MDN1: variants seen among roughly 807,000 people sequenced by gnomAD.
MDN1 encodes the protein midasin AAA ATPase 1.
Under a neutral mutation model 669.2 loss-of-function variants are expected in MDN1, and 266 were observed. The observed-to-expected ratio is 0.40, with a 90% confidence interval of 0.36 to 0.44. The LOEUF is 0.44. Ranked by LOEUF, MDN1 falls within the 20% of genes least tolerant of loss-of-function variation. The pLI is 1.00. For synonymous variants in MDN1, 2,385 were observed against 2,457.1 expected, an observed-to-expected ratio of 0.97 and a Z score of 0.87; for missense variants, 5,940 against 6,754.0, an observed-to-expected ratio of 0.88 and a Z score of 4.22.
Position 89,794,647 on chromosome 6 carries a change from C to A in MDN1, c.484G>T (p.Val162Leu). 1 of 1,614,096 alleles carries A rather than the reference C, an allele frequency of 6.2e-7. No homozygotes were observed. The highest frequency in any genetic ancestry group is 2.2e-5 in the East Asian group (1 of 44,884). ...CTCCAGTCCCAGAGCTCCCGGAACA[C>A]AGACTGCTCCTGCTGCAGAAACTTG... ...AFKFLQQEQS[V>L]FRELWDWSVC... Residue 162 changes from valine to leucine, a missense_variant, in exon 3 of 102, where the codon GTG becomes TTG. By Grantham distance (32) the Val-to-Leu change is conservative. Coordinates refer to ENST00000369393, the MANE Select transcript of MDN1 (RefSeq NM_014611.3).
At position 89,776,606 on chromosome 6, in the gene MDN1, T is replaced by C. The variant is rs41402447; in HGVS notation, c.1815A>G (p.Arg605=). The C allele has an allele frequency of 0.17, 278,231 of 1,604,276 alleles. 26,014 individuals carry two copies. The highest frequency in any genetic ancestry group is 0.19 in the Non-Finnish European group (222,706 of 1,173,034). The change falls in exon 12 of 102, where the codon AGA becomes AGG. Residue 605 remains arginine (R), a synonymous_variant. Transcript: ENST00000369393. ...AAAAAAACAGCACACATACCTTTTT[T>C]CTAGAAATGTTCAATTTGCTTCCAA... is the stretch of plus-strand genomic sequence containing the variant. ...EVIGSKLNIS[R]KKAEFFCQLY... is the part of the protein sequence containing the mutation.
intron 15 of MDN1, among the ~76,000 whole-genome samples, chr6:89,765,294 G>A (rs1465954): frequency 0.85 from 129,796 of 151,900 alleles, 55,632 homozygotes; most frequent in African/African-American, 0.91. Flanking sequence ...TTATCTGATT[G>A]TACTTTAAAG....
At chr6:89,690,962 C>A in intron 63 of MDN1, 128 bp from the exon 64 acceptor site, 2 of 1,124,414 alleles carry the variant, frequency 1.8e-6, no homozygotes, top group Non-Finnish European at 2.5e-6. Context: ...AGCCAACATC[C>A]AAGAAACTAA....
intron 49 of MDN1, 53 bp from the exon 50 acceptor site, chr6:89,710,847 G>T: frequency 2.8e-6 from 3 of 1,082,558 alleles, no homozygotes; most frequent in South Asian, 1.5e-5. Flanking sequence ...CTATCCAATT[G>T]AACGTTCTGC....
intron 82 of MDN1, among the ~76,000 whole-genome samples, chr6:89,671,968 T>C (rs1350407669): frequency 1.3e-5 from 2 of 152,244 alleles, no homozygotes; most frequent in East Asian, 3.9e-4. Context: ...ATAATGGATA[T>C]TCTGAATGGT....
intron 15 of MDN1, among the ~76,000 whole-genome samples, chr6:89,763,332 CAAAAAAAAAA>C (rs35383804): frequency 1.0e-5 from 1 of 97,100 alleles, no homozygotes; most frequent in Non-Finnish European, 2.2e-5. Flanking sequence ...GTAGGGCACG[CAAAAAAAAAA>C]AAAAAAAAAA....
rs572603843 is a variant in MDN1, at chr6:89,767,809, G to A, written c.2144+3752C>T. Reference sequence around the variant, plus strand: ...ACCTGTAATCCCAGCCCTTTGGGAGGTCAAGGTGGGAGGATCATTTTAGCT... The same window carrying A: ...ACCTGTAATCCCAGCCCTTTGGGAGATCAAGGTGGGAGGATCATTTTAGCT... On this transcript the variant is annotated intron_variant, in intron 15 of 101. Transcript: ENST00000369393. Among the ~76,000 whole-genome samples, 5 of 152,148 alleles carry A rather than the reference G, an allele frequency of 3.3e-5. 1 individual carries two copies. The highest frequency in any genetic ancestry group is 3.3e-4 in the Admixed American group (5 of 15,274).
At chr6:89,752,707 T>C (rs1444355018) in intron 22 of MDN1, among the ~76,000 whole-genome samples, 2 of 152,156 alleles carry the variant, frequency 1.3e-5, no homozygotes, top group African/African-American at 2.4e-5. Flanking sequence ...ATGCAAATAG[T>C]GAAACTATGG....
Position 89,714,711 on chromosome 6 carries a change from G to C in MDN1, c.6901C>G (p.Arg2301Gly), listed in dbSNP as rs756854232. Residue 2301 changes from arginine (R) to glycine (G), a missense_variant, in exon 46 of 102, where the codon CGA (arginine) becomes GGA (glycine). Arg to Gly is a moderately radical substitution (Grantham distance 125). Transcript: ENST00000369393. Reference sequence around the variant, plus strand: ...TCAAGTCCACGATTCCTCATAGCTCGGGATATATCTCCATGAACAGGATCC... The same window carrying C: ...TCAAGTCCACGATTCCTCATAGCTCCGGATATATCTCCATGAACAGGATCC... The part of the protein sequence containing the change: ...SMDPVHGDIS[R>G]AMRNRGLEIY... 5.0e-6 allele frequency: 8 copies of C among 1,613,846 alleles called. No individual in the cohort carries two copies. The highest frequency in any genetic ancestry group is 6.8e-6 in the Non-Finnish European group (8 of 1,179,968).
Position 89,745,337 on chromosome 6 carries a change from G to A in MDN1, c.4114C>T (p.Leu1372Phe). The A allele has an allele frequency of 6.2e-7, 1 of 1,613,972 alleles. No homozygotes were observed. The highest frequency in any genetic ancestry group is 8.5e-7 in the Non-Finnish European group (1 of 1,179,968). The change falls in exon 29 of 102, where the codon CTC becomes TTC. Residue 1372 changes from leucine to phenylalanine, a missense_variant. This residue lies in a region of MDN1 where 2,292 missense variants were observed against 2,638.3 expected (regional missense o/e 0.87). Coordinates refer to ENST00000369393, the MANE Select transcript of MDN1 (RefSeq NM_014611.3). ...HIVWTEGMRR[L>F]AMLVGRALEF... ...AATGCCCTTCCCACTAGCATCGCGA[G>A]TCTCCGCATGCCCTCAGTCCACACG...
chr6:89,719,466 G>A (rs996731138), intron 40 of MDN1, among the ~76,000 whole-genome samples: 3 of 152,158 alleles, frequency 2.0e-5, no homozygotes, highest in African/African-American at 4.8e-5. Flanking sequence ...TGAGATTCCA[G>A]TAACAATGCA....
Position 89,747,423 on chromosome 6 carries a change from G to T in MDN1, c.3810C>A (p.Ile1270=). Residue 1270 remains isoleucine, a synonymous_variant, in exon 27 of 102, where the codon ATC becomes ATA. Coordinates refer to ENST00000369393, the MANE Select transcript of MDN1 (RefSeq NM_014611.3). The part of the protein sequence containing the change: ...SSVFAGKQGF[I]TLRDLFRWAE... Reference sequence around the variant, plus strand: ...CCCATCGGAACAGATCACGAAGGGTGATGAAGCCCTGCTTTCCAGCAAACA... The same window carrying T: ...CCCATCGGAACAGATCACGAAGGGTTATGAAGCCCTGCTTTCCAGCAAACA... The T allele has an allele frequency of 6.2e-7, 1 of 1,614,064 alleles. No homozygotes were observed. The highest frequency in any genetic ancestry group is 8.5e-7 in the Non-Finnish European group (1 of 1,179,964).
intron 86 of MDN1, 150 bp downstream of exon 86, chr6:89,662,642 A>G (rs1809881100): frequency 1.1e-6 from 1 of 942,810 alleles, no homozygotes; most frequent in South Asian, 1.8e-5. Context: ...TGTAATCAAT[A>G]AGATAGGATA....
chr6:89,752,814 A>C (rs1817022617), intron 22 of MDN1, among the ~76,000 whole-genome samples: 1 of 152,210 alleles, frequency 6.6e-6, no homozygotes, highest in South Asian at 2.1e-4. Context: ...CAGATAGGTT[A>C]AAAAGGAAAG....
At chr6:89,746,609 AAAAAAGAAAGAAAG>A (rs1181150643) in intron 27 of MDN1, among the ~76,000 whole-genome samples, 396 of 14,754 alleles carry the variant, frequency 0.027, 21 homozygotes, top group South Asian at 0.11. Context: ...AAAAAAAAAA[AAAAAAGAAAGAAAG>A]AAAGAAAGAA....
In MDN1 at chr6:89,761,697, G is replaced by A; in HGVS notation, c.2408C>T (p.Ala803Val). Reference sequence around the variant, plus strand: ...TTCAGTCATTTTCATCTGTTGTTGGGCATGGTTGAGTCTAAGACCAAATGC... The same window carrying A: ...TTCAGTCATTTTCATCTGTTGTTGGACATGGTTGAGTCTAAGACCAAATGC... Reference protein sequence around the residue: ...WEAFGLRLNHAQQQMKMTENT... With the variant: ...WEAFGLRLNHVQQQMKMTENT... The change falls in exon 17 of 102, where the codon GCC becomes GTC. Residue 803 changes from alanine (A) to valine (V), a missense_variant. This residue lies in a region of MDN1 where 1,203 missense variants were observed against 1,268.9 expected (regional missense o/e 0.95). Transcript: ENST00000369393. 1.2e-6 allele frequency: 2 copies of A among 1,612,490 alleles called. No homozygotes were observed. Among genetic ancestry groups the A allele is most frequent in the Non-Finnish European group, 1.7e-6 (2 of 1,179,212 alleles).
At chr6:89,787,254 G>A (rs1368078151) in intron 8 of MDN1, among the ~76,000 whole-genome samples, 3 of 152,178 alleles carry the variant, frequency 2.0e-5, no homozygotes, top group African/African-American at 7.2e-5. Context: ...AGCTGTGCAG[G>A]TATAGACTAG....
chr6:89,672,660 T>C lies in MDN1; in HGVS notation c.13517A>G (p.Glu4506Gly), dbSNP rs757914536. 1.4e-5 allele frequency: 22 copies of C among 1,614,132 alleles called. No individual in the cohort carries two copies. The South Asian group carries it at 2.1e-4, about 15-fold the overall frequency. The change falls in exon 81 of 102, where the codon GAG becomes GGG. Residue 4506 changes from glutamate to glycine, a missense_variant. By Grantham distance (98) the Glu-to-Gly change is moderately conservative. Transcript: ENST00000369393. ...LDEGFVEDFS[E>G]QMEIAIRAIL... ...GGCTCGGATGGCAATTTCCATTTGC[T>C]CTGAAAAATCTTCCACAAATCCTTC...
chr6:89,753,925 A>G (rs1016660063), intron 21 of MDN1, among the ~76,000 whole-genome samples, 158 bp downstream of exon 21: 1 of 152,196 alleles, frequency 6.6e-6, no homozygotes, highest in African/African-American at 2.4e-5. Context: ...AAAGTAAAAT[A>G]TTTAATTTAA....
Sources: gnomAD v4.1 joint callset for allele counts (sites outside exome capture counted in the v4.1 genomes callset) on GRCh38, gnomAD v4.1.1 for gene constraint, gnomAD v4.1.1 regional missense constraint, MANE v1.5 for transcripts, NCBI Gene and HGNC (gene_info 2026-07-23, HGNC 2026-07-21) for gene names.